The following PSMD1 variants were observed in gnomAD, a reference collection of about 807,000 sequenced individuals.
PSMD1 encodes 26S proteasome non-ATPase regulatory subunit 1.
In PSMD1, 18 loss-of-function variants were observed where a neutral mutation model predicts 119.0. That is an observed-to-expected ratio of 0.15 (90% CI 0.10 to 0.22). The LOEUF (loss-of-function observed/expected upper bound fraction) is 0.22. Among genes scored for constraint, PSMD1 ranks in the 10% least tolerant of loss-of-function variants. PSMD1 has a pLI of 1.00. For missense variants in PSMD1, 702 were observed against 1,158.5 expected (o/e 0.61, Z 5.72); for synonymous variants, 374 against 396.6 (o/e 0.94, Z 0.68).
At chr2:231,108,977 A>C in intron 16 of PSMD1, 8 of 1,614,212 alleles carry the variant, frequency 5.0e-6, no homozygotes, top group Non-Finnish European at 6.8e-6. Context: ...GAGGAAAAAC[A>C]CAATCCCTAG....
intron 9 of PSMD1, among the ~76,000 whole-genome samples, chr2:231,077,385 T>C (rs577437723): frequency 3.3e-5 from 5 of 152,176 alleles, no homozygotes; most frequent in African/African-American, 4.8e-5. Context: ...TTATCTCTTA[T>C]TGGGGAGCTT....
Position 231,170,820 on chromosome 2 carries a change from T to C in PSMD1, c.*9+99T>C, listed in dbSNP as rs565090872. ...TCTCACGTTTTTCCTTCCTTTTGTG[T>C]TTAATCCTTATTTACCTAAACAGTA... On this transcript the variant is annotated intron_variant, in intron 24 of 24. Transcript: ENST00000308696. This position sits in a 1 kb window ranked among gnomAD's most constrained non-coding sequence, Gnocchi z 4.1. 249 of 1,292,042 alleles carry C rather than the reference T, an allele frequency of 1.9e-4. 1 individual carries two copies. In the South Asian group the frequency reaches 3.8e-3, roughly 19 times the overall value. The allele number at this position is 1,292,042 out of a possible 1,614,324, so 80.0% of individuals were successfully genotyped here.
At chr2:231,079,918 G>A (rs1385681822) in intron 11 of PSMD1, among the ~76,000 whole-genome samples, 1 of 152,034 alleles carries the variant, frequency 6.6e-6, no homozygotes, top group Non-Finnish European at 1.5e-5. Flanking sequence ...GGAAAAAATT[G>A]AAGCATTTGT....
chr2:231,063,440 T>C lies in PSMD1; in HGVS notation c.304+765T>C, dbSNP rs188803436. On this transcript the variant is annotated intron_variant, in intron 4 of 24. Transcript: ENST00000308696. Reference sequence around the variant, plus strand: ...TCATAGTACAGAGAGCTCAAGGGCATGTTCTGTCAGGAGTGTGCAGTGCAG... The same window carrying C: ...TCATAGTACAGAGAGCTCAAGGGCACGTTCTGTCAGGAGTGTGCAGTGCAG... Among the ~76,000 whole-genome samples the C allele has an allele frequency of 5.3e-5, 8 of 152,366 alleles. No homozygotes were observed. In the East Asian group the frequency reaches 1.5e-3, roughly 29 times the overall value.
chr2:231,156,187 T>C (rs991464381), intron 19 of PSMD1, among the ~76,000 whole-genome samples: 6 of 152,284 alleles, frequency 3.9e-5, no homozygotes, highest in Admixed American at 3.3e-4. Context: ...TTAAGTTTTA[T>C]TAATTGGGCT....
chr2:231,115,606 G>A (rs1284164563), intron 16 of PSMD1, among the ~76,000 whole-genome samples: 1 of 152,026 alleles, frequency 6.6e-6, no homozygotes, highest in Non-Finnish European at 1.5e-5. Flanking sequence ...GGGTAGGAAG[G>A]GATAGAGGTG....
chr2:231,090,314 G>A (rs1046763430), intron 16 of PSMD1, among the ~76,000 whole-genome samples: 3 of 152,164 alleles, frequency 2.0e-5, no homozygotes, highest in Non-Finnish European at 2.9e-5. Flanking sequence ...AAGCCAACGC[G>A]GCAGATCACC....
chr2:231,138,351 C>CTATAAATG (rs1408846144), intron 16 of PSMD1, among the ~76,000 whole-genome samples: 3 of 152,290 alleles, frequency 2.0e-5, no homozygotes, highest in African/African-American at 7.2e-5. Flanking sequence ...CCAGGAATTA[C>CTATAAATG]TATAAATGAC....
intron 16 of PSMD1, among the ~76,000 whole-genome samples, chr2:231,088,726 A>G (rs1008222278): frequency 1.3e-5 from 2 of 152,160 alleles, no homozygotes; most frequent in African/African-American, 4.8e-5. Context: ...ACACAATAAT[A>G]TTGAAATTAG....
chr2:231,062,668 T>C lies in PSMD1; in HGVS notation c.297T>C (p.Thr99=), dbSNP rs1208778715. 6.3e-7 allele frequency: 1 copy of C among 1,593,702 alleles called. No homozygotes were observed. The highest frequency in any genetic ancestry group is 2.2e-5 in the East Asian group (1 of 44,668). Residue 99 remains threonine (T), a synonymous_variant, in exon 4 of 25, where the codon ACT becomes ACC. Transcript: ENST00000308696. ...NVNDNSEYVE[T]IIAKCIDHYT... is the part of the protein sequence containing the mutation. ...ATGATAACTCTGAATATGTGGAAAC[T>C]ATTATAGGTAATTATCGTCTATCTG...
chr2:231,140,613 C>T (rs1445582052), intron 17 of PSMD1, among the ~76,000 whole-genome samples: 1 of 151,908 alleles, frequency 6.6e-6, no homozygotes, highest in African/African-American at 2.4e-5. Context: ...TGCAGTGGCT[C>T]ACACCTGTAA....
chr2:231,166,518 T>TC (rs935079260), intron 23 of PSMD1, among the ~76,000 whole-genome samples: 3 of 152,028 alleles, frequency 2.0e-5, no homozygotes, highest in African/African-American at 7.3e-5. Flanking sequence ...CTTTTTTTTT[T>TC]TTCTATTTCA....
intron 16 of PSMD1, among the ~76,000 whole-genome samples, chr2:231,096,610 G>A (rs891847499): frequency 6.6e-6 from 1 of 152,212 alleles, no homozygotes; most frequent in Non-Finnish European, 1.5e-5. Flanking sequence ...AAAAGAAATA[G>A]CACTTGAATA....
chr2:231,151,535 A>G (rs1304140714), intron 18 of PSMD1, among the ~76,000 whole-genome samples: 1 of 152,216 alleles, frequency 6.6e-6, no homozygotes, highest in Non-Finnish European at 1.5e-5. Context: ...AGCCTATTGT[A>G]TAGTTGGACT....
intron 20 of PSMD1, among the ~76,000 whole-genome samples, chr2:231,161,788 T>C (rs973920878): frequency 3.0e-4 from 46 of 152,222 alleles, no homozygotes; most frequent in African/African-American, 1.0e-3. Context: ...AGGCTTTATA[T>C]ACCACTCTGA....
intron 16 of PSMD1, among the ~76,000 whole-genome samples, chr2:231,129,877 G>A (rs573026750): frequency 2.0e-5 from 3 of 151,872 alleles, no homozygotes; most frequent in East Asian, 1.9e-4. Context: ...TTTTCGAGAC[G>A]GAGTCTCACT....
intron 24 of PSMD1, among the ~76,000 whole-genome samples, chr2:231,172,304 G>A (rs954123304): frequency 4.6e-5 from 7 of 152,170 alleles, no homozygotes; most frequent in African/African-American, 1.7e-4. Context: ...TGACTTAGAG[G>A]TTTATAGCTG....
chr2:231,082,720 A>G (rs991650620), intron 12 of PSMD1, among the ~76,000 whole-genome samples, 163 bp from the exon 13 acceptor site: 1 of 152,192 alleles, frequency 6.6e-6, no homozygotes, highest in Non-Finnish European at 1.5e-5. Flanking sequence ...AAAAACTGCA[A>G]TTGCTGAGTT....
chr2:231,127,544 G>A (rs1209355788), intron 16 of PSMD1, among the ~76,000 whole-genome samples: 5 of 152,116 alleles, frequency 3.3e-5, no homozygotes, highest in Non-Finnish European at 5.9e-5. Flanking sequence ...TAGCAGAGAC[G>A]GGGTTTCGCC....
Sources: allele counts gnomAD v4.1 joint callset (sites outside exome capture counted in the v4.1 genomes callset), GRCh38; gene constraint gnomAD v4.1.1; non-coding constraint Gnocchi (gnomAD v3.1); transcripts MANE v1.5; gene names NCBI Gene and HGNC (gene_info 2026-07-23, HGNC 2026-07-21).